The following SIPA1L3 variants were observed in gnomAD, a reference collection of about 807,000 sequenced individuals.
The protein encoded by SIPA1L3 is signal induced proliferation associated 1 like 3, also known as signal-induced proliferation-associated 1-like protein 3.
In SIPA1L3, 59 loss-of-function variants were observed where a neutral mutation model predicts 150.1. That is an observed-to-expected ratio of 0.39 (90% CI 0.32 to 0.49). SIPA1L3 has a LOEUF of 0.49. Ranked by LOEUF, SIPA1L3 falls within the 20% of genes least tolerant of loss-of-function variation. The probability of loss-of-function intolerance (pLI) is 0.86; values close to 1 mark genes in which losing one functional copy is unlikely to be tolerated. For synonymous variants in SIPA1L3, 1,070 were observed against 1,077.6 expected (o/e 0.99, Z 0.14); for missense variants, 2,211 against 2,489.5 (o/e 0.89, Z 2.38).
chr19:37,930,576 C>T (rs2046544839), intron 1 of SIPA1L3, among the ~76,000 whole-genome samples: 1 of 152,190 alleles, frequency 6.6e-6, no homozygotes, highest in Non-Finnish European at 1.5e-5. Context: ...GTTGCTACTG[C>T]TCGTGGCCAC....
intron 1 of SIPA1L3, among the ~76,000 whole-genome samples, chr19:38,000,395 G>C (rs982136487): frequency 3.3e-5 from 5 of 150,852 alleles, no homozygotes; most frequent in Admixed American, 2.0e-4. Flanking sequence ...TTGAACCCAG[G>C]AGGCGGAGGT....
At chr19:38,106,270 C>A (rs1970621502) in intron 6 of SIPA1L3, 1 of 346,100 alleles carries the variant, frequency 2.9e-6, no homozygotes, top group East Asian at 8.5e-5. Context: ...CCAGGCCTGG[C>A]TAATTTTTGT....
intron 1 of SIPA1L3, among the ~76,000 whole-genome samples, chr19:38,014,765 G>C (rs1968193122): frequency 6.6e-6 from 1 of 151,406 alleles, no homozygotes; most frequent in African/African-American, 2.4e-5. Flanking sequence ...TGCCTCCCAG[G>C]TTCACGCCAT....
chr19:38,168,220 C>G (rs1972251288), intron 15 of SIPA1L3, among the ~76,000 whole-genome samples: 1 of 152,050 alleles, frequency 6.6e-6, no homozygotes, highest in Admixed American at 6.6e-5. Context: ...AACTCCGTCT[C>G]TACTAAAAAT....
In SIPA1L3 at chr19:38,077,661, C is replaced by CTTTTTTTTTTTTTTTTTTTTTTTTT. The variant is rs58788182; in HGVS notation, c.-310-3592_-310-3568dup. 1.1e-4 allele frequency among the ~76,000 whole-genome samples: 7 copies of CTTTTTTTTTTTTTTTTTTTTTTTTT among 64,322 alleles called. 2 individuals are homozygous for CTTTTTTTTTTTTTTTTTTTTTTTTT. Among genetic ancestry groups the CTTTTTTTTTTTTTTTTTTTTTTTTT allele is most frequent in the Admixed American group, 2.4e-4 (1 of 4,106 alleles). 42.2% of individuals were successfully genotyped at this position (64,322 alleles called of 152,430 possible). The stretch of plus-strand genomic sequence containing the variant: ...TTTTTTCTTTTTTCTTTTTCTTTTT[C>CTTTTTTTTTTTTTTTTTTTTTTTTT]TTTTTTTTTTTTTTTTTTTTTTTTT... On this transcript the variant is annotated intron_variant, in intron 2 of 21. Transcript: ENST00000222345.
chr19:37,937,761 A>AAAAAAAAAAAAAAAAAAAAAAAAAAC (rs2046614248), intron 1 of SIPA1L3, among the ~76,000 whole-genome samples: 1 of 139,814 alleles, frequency 7.2e-6, no homozygotes, highest in African/African-American at 2.6e-5. Flanking sequence ...AAAAAAAAAA[A>AAAAAAAAAAAAAAAAAAAAAAAAAAC]AAAGACCAGG....
intron 14 of SIPA1L3, among the ~76,000 whole-genome samples, chr19:38,163,971 G>T (rs528206525): frequency 3.4e-4 from 52 of 152,330 alleles, no homozygotes; most frequent in Non-Finnish European, 6.2e-4. Context: ...GCCCCAGGGG[G>T]AGGACAGGAC....
intron 13 of SIPA1L3, among the ~76,000 whole-genome samples, chr19:38,159,747 G>A (rs1043072922): frequency 6.6e-6 from 1 of 152,228 alleles, no homozygotes; most frequent in Non-Finnish European, 1.5e-5. Flanking sequence ...AGATGCTCCT[G>A]ATACCCACTT....
intron 12 of SIPA1L3, 103 bp from the exon 13 acceptor site, chr19:38,152,737 T>A (rs1020580624): frequency 2.3e-6 from 3 of 1,280,512 alleles, no homozygotes; most frequent in Non-Finnish European, 3.2e-6. Context: ...GAGCCTCCCG[T>A]GTGTCTAAAA....
intron 15 of SIPA1L3, among the ~76,000 whole-genome samples, chr19:38,182,256 G>A (rs949277495): frequency 2.6e-5 from 4 of 152,116 alleles, no homozygotes; most frequent in Non-Finnish European, 4.4e-5. Flanking sequence ...CCAAGGAGAC[G>A]GGAGTGAATT....
At chr19:38,190,366 TA>T (rs1972781033) in intron 16 of SIPA1L3, among the ~76,000 whole-genome samples, 1 of 152,310 alleles carries the variant, frequency 6.6e-6, no homozygotes, top group Admixed American at 6.5e-5. Flanking sequence ...TCTGTCTCTC[TA>T]TTTCTCTCTT....
intron 6 of SIPA1L3, among the ~76,000 whole-genome samples, chr19:38,102,754 C>G (rs952648526): frequency 1.4e-5 from 2 of 139,810 alleles, no homozygotes; most frequent in Non-Finnish European, 3.1e-5. Context: ...ATTGCTTGAG[C>G]CTGGGAGTTT....
intron 2 of SIPA1L3, among the ~76,000 whole-genome samples, chr19:38,056,830 G>A (rs991292650): frequency 2.6e-5 from 4 of 152,144 alleles, no homozygotes; most frequent in Admixed American, 2.0e-4. Flanking sequence ...TTGGGAGGCG[G>A]GTGGATCACT....
At chr19:37,993,284 G>A (rs1967557576) in intron 1 of SIPA1L3, among the ~76,000 whole-genome samples, 1 of 152,124 alleles carries the variant, frequency 6.6e-6, no homozygotes, top group Non-Finnish European at 1.5e-5. Context: ...ACCAGCTCTT[G>A]GCACAGAGAA....
chr19:38,074,581 G>T (rs528610065), intron 2 of SIPA1L3, among the ~76,000 whole-genome samples: 2 of 152,254 alleles, frequency 1.3e-5, no homozygotes, highest in African/African-American at 4.8e-5. Context: ...GTGGGGCAGG[G>T]TTCAGGCTCT....
At chr19:38,116,087 CA>C (rs1208718209) in intron 8 of SIPA1L3, among the ~76,000 whole-genome samples, 1 of 152,100 alleles carries the variant, frequency 6.6e-6, no homozygotes, top group Non-Finnish European at 1.5e-5. Flanking sequence ...AATTATCCTA[CA>C]GATGGAAGAG....
Position 38,134,128 on chromosome 19 carries a change from C to T in SIPA1L3, c.3143+3356C>T, listed in dbSNP as rs112700764. ...CCTCCCGAGTAGCTGGGACTACAGG[C>T]ATGCACCACCACACCCAGCTAATTT... On this transcript the variant is annotated intron_variant, in intron 10 of 21. Transcript: ENST00000222345. Among the ~76,000 whole-genome samples, 1,185 of 151,976 alleles carry T rather than the reference C, an allele frequency of 7.8e-3. 6 individuals carry two copies. Among genetic ancestry groups the T allele is most frequent in the Non-Finnish European group, 0.014 (924 of 67,986 alleles).
chr19:38,161,934 T>TG (rs1263864597), intron 13 of SIPA1L3, among the ~76,000 whole-genome samples: 2 of 151,524 alleles, frequency 1.3e-5, no homozygotes, highest in Non-Finnish European at 2.9e-5. Context: ...CCTAGCTACT[T>TG]GGGAGGCTGA....
At chr19:38,012,089 C>CT (rs59957165) in intron 1 of SIPA1L3, among the ~76,000 whole-genome samples, 4,764 of 140,572 alleles carry the variant, frequency 0.034, 100 homozygotes, top group East Asian at 0.075. Context: ...TGGGCTGTGT[C>CT]TTTTTTTTTT....
Sources: gnomAD v4.1 joint callset for allele counts (sites outside exome capture counted in the v4.1 genomes callset) on GRCh38, gnomAD v4.1.1 for gene constraint, MANE v1.5 for transcripts, NCBI Gene and HGNC (gene_info 2026-07-23, HGNC 2026-07-21) for gene names.